LARS2: variants seen among roughly 807,000 people sequenced by gnomAD.
LARS2 encodes the protein leucine--tRNA ligase, mitochondrial.
LARS2 carries 81 observed loss-of-function variants against 116.6 expected under a neutral mutation model. The ratio of observed to expected loss-of-function variants is 0.69; its 90% CI spans 0.58 to 0.84. The LOEUF (loss-of-function observed/expected upper bound fraction) is 0.84, where lower values mean the gene tolerates loss of function less well. Among genes scored for constraint, LARS2 ranks in the 40% least tolerant of loss-of-function variants. The probability of loss-of-function intolerance (pLI) is 0.00; values close to 1 mark genes in which losing one functional copy is unlikely to be tolerated. For synonymous variants in LARS2, 396 were observed against 407.2 expected (o/e 0.97, Z 0.33); for missense variants, 968 against 1,114.5 (o/e 0.87, Z 1.87).
At chr3:45,446,728 T>C (rs1699025400) in intron 6 of LARS2, among the ~76,000 whole-genome samples, 163 bp from the exon 7 acceptor site, 2 of 152,248 alleles carry the variant, frequency 1.3e-5, no homozygotes, top group Non-Finnish European at 2.9e-5. Context: ...CTTTCCAGAA[T>C]AAATTGTGAC....
In LARS2 at chr3:45,455,288, A is replaced by G. The variant is rs536337351; in HGVS notation, c.607-3455A>G. On this transcript the variant is annotated intron_variant, in intron 7 of 21. Transcript: ENST00000645846. Reference sequence around the variant, plus strand: ...AAATACAGTCCTATTTGTTCTTGCAATCTGCAGTACCAAGTATTCACTTCT... The same window carrying G: ...AAATACAGTCCTATTTGTTCTTGCAGTCTGCAGTACCAAGTATTCACTTCT... Among the ~76,000 whole-genome samples, 50 of 152,200 alleles carry G rather than the reference A, an allele frequency of 3.3e-4. 1 individual carries two copies. The highest frequency in any genetic ancestry group is 3.4e-3 in the Middle Eastern group (1 of 294).
chr3:45,547,562 T>C lies in LARS2; in HGVS notation c.*32T>C. The C allele has an allele frequency of 6.4e-7, 1 of 1,567,902 alleles. No individual in the cohort carries two copies. ...GGAGGCTGCAGCTACCACGAGGGCC[T>C]CTGAGGAACCTCCTTCCAGGCCTGG... On this transcript the variant is annotated 3_prime_UTR_variant, in exon 22 of 22. Coordinates refer to ENST00000645846, the MANE Select transcript of LARS2 (RefSeq NM_015340.4).
intron 4 of LARS2, among the ~76,000 whole-genome samples, chr3:45,405,030 A>G (rs1428599912): frequency 6.6e-6 from 1 of 152,066 alleles, no homozygotes; most frequent in African/African-American, 2.4e-5. Context: ...TGTCATCCAC[A>G]TGTTGTTTTA....
In LARS2 at chr3:45,394,733, A is replaced by G. The variant is rs41289596; in HGVS notation, c.234+46A>G. ...TAAGAGGGTAGAGAAGAGGGGTTGA[A>G]GGTTTGGACCCTGGGGTTAGACTAC... is the stretch of plus-strand genomic sequence containing the variant. On this transcript the variant is annotated intron_variant, in intron 3 of 21. Coordinates refer to ENST00000645846, the MANE Select transcript of LARS2 (RefSeq NM_015340.4). 7,113 of 1,378,232 alleles carry G rather than the reference A, an allele frequency of 5.2e-3. 33 individuals carry two copies. Among genetic ancestry groups the G allele is most frequent in the Non-Finnish European group, 6.4e-3 (6,211 of 971,500 alleles). The allele number at this position is 1,378,232 out of a possible 1,614,324, so 85.4% of individuals were successfully genotyped here.
intron 20 of LARS2, among the ~76,000 whole-genome samples, chr3:45,532,914 T>C (rs1309768581): frequency 6.6e-6 from 1 of 152,128 alleles, no homozygotes; most frequent in African/African-American, 2.4e-5. Flanking sequence ...AGTGCTGGGA[T>C]TACAGGTGTG....
intron 6 of LARS2, among the ~76,000 whole-genome samples, chr3:45,430,806 C>G (rs929885882): frequency 2.6e-4 from 35 of 135,342 alleles, no homozygotes; most frequent in Non-Finnish European, 5.0e-4. Context: ...AGGATGGTCT[C>G]GATCCCCTGA....
chr3:45,491,780 G>T lies in LARS2; in HGVS notation c.1503G>T (p.Trp501Cys), dbSNP rs755896764. ...CCCCACTGGCCATGGCTTCAGAGTG[G>T]GTGAACTGCTCCTGCCCAAGGTAAG... is the stretch of plus-strand genomic sequence containing the variant. Reference protein sequence around the residue: ...GGPPLAMASEWVNCSCPRCKG... With the variant: ...GGPPLAMASECVNCSCPRCKG... The change falls in exon 13 of 22, where the codon TGG (tryptophan) becomes TGT (cysteine). Residue 501 changes from tryptophan (W) to cysteine (C), a missense_variant. By Grantham distance (215) the Trp-to-Cys change is radical. Coordinates refer to ENST00000645846, the MANE Select transcript of LARS2 (RefSeq NM_015340.4). 1 of 1,614,026 alleles carries T rather than the reference G, an allele frequency of 6.2e-7. No individual in the cohort carries two copies. Among genetic ancestry groups the T allele is most frequent in the Non-Finnish European group, 8.5e-7 (1 of 1,179,974 alleles).
chr3:45,463,164 G>A (rs565867245), intron 8 of LARS2, among the ~76,000 whole-genome samples: 2 of 152,300 alleles, frequency 1.3e-5, no homozygotes, highest in African/African-American at 4.8e-5. Flanking sequence ...CTCAGTCCTG[G>A]CAGCAGAGTG....
At chr3:45,458,628 A>C in intron 7 of LARS2, 115 bp from the exon 8 acceptor site, 1 of 974,352 alleles carries the variant, frequency 1.0e-6, no homozygotes, top group East Asian at 2.5e-5. Flanking sequence ...TGGAGGTTGC[A>C]GTGAGTCGAG....
intron 7 of LARS2, among the ~76,000 whole-genome samples, chr3:45,456,240 T>C (rs1488085267): frequency 1.3e-5 from 2 of 152,142 alleles, no homozygotes; most frequent in Non-Finnish European, 2.9e-5. Flanking sequence ...AATATCACAC[T>C]GTATTCTATA....
chr3:45,516,029 T>C, intron 16 of LARS2, 65 bp from the exon 17 acceptor site: 3 of 1,315,176 alleles, frequency 2.3e-6, no homozygotes, highest in Non-Finnish European at 3.2e-6. Context: ...TACTTATTGA[T>C]GCTATTTCTA....
At chr3:45,456,381 GAGACC>G (rs1699213679) in intron 7 of LARS2, among the ~76,000 whole-genome samples, 1 of 152,160 alleles carries the variant, frequency 6.6e-6, no homozygotes, top group Non-Finnish European at 1.5e-5. Context: ...TCAGGAGTTC[GAGACC>G]AGCCTGGCCA....
chr3:45,422,185 A>G (rs568211987), intron 6 of LARS2: 115 of 152,228 alleles, frequency 7.6e-4, no homozygotes, highest in African/African-American at 2.7e-3. Flanking sequence ...AGTTATTTTC[A>G]TTTGTATTTC....
intron 21 of LARS2, among the ~76,000 whole-genome samples, chr3:45,545,836 A>G (rs1257829946): frequency 1.5e-5 from 1 of 67,088 alleles, no homozygotes; most frequent in East Asian, 6.3e-4. Context: ...GTCAAAGAGG[A>G]CATCCCACAG....
chr3:45,484,944 C>T (rs1038463929), intron 10 of LARS2, among the ~76,000 whole-genome samples: 10 of 151,688 alleles, frequency 6.6e-5, no homozygotes, highest in Non-Finnish European at 8.8e-5. Context: ...GTTTTCTGCA[C>T]GTTCCAACCT....
intron 6 of LARS2, chr3:45,422,217 G>T (rs557200749): frequency 1.3e-5 from 2 of 151,974 alleles, no homozygotes; most frequent in African/African-American, 4.8e-5. Context: ...GTGATTGTGA[G>T]GTTTTTTCAT....
intron 8 of LARS2, among the ~76,000 whole-genome samples, chr3:45,471,182 AG>A (rs1479199545): frequency 2.0e-5 from 3 of 152,132 alleles, no homozygotes; most frequent in African/African-American, 7.2e-5. Context: ...GGGCCAGCCC[AG>A]GATTGAAGGA....
At chr3:45,448,614 T>C (rs1222506125) in intron 7 of LARS2, among the ~76,000 whole-genome samples, 1 of 152,226 alleles carries the variant, frequency 6.6e-6, no homozygotes, top group Non-Finnish European at 1.5e-5. Context: ...AAGGGAGTCA[T>C]TAGCATTGCT....
intron 6 of LARS2, chr3:45,421,658 C>T (rs1440241756): frequency 6.6e-6 from 1 of 152,172 alleles, no homozygotes; most frequent in Non-Finnish European, 1.5e-5. Flanking sequence ...GACTGCCGTG[C>T]TCCTCCCCCA....
Sources: gnomAD v4.1 joint callset for allele counts (sites outside exome capture counted in the v4.1 genomes callset) on GRCh38, gnomAD v4.1.1 for gene constraint, MANE v1.5 for transcripts, NCBI Gene and HGNC (gene_info 2026-07-23, HGNC 2026-07-21) for gene names.